SLC26A5: variants seen among roughly 807,000 people sequenced by gnomAD.
SLC26A5 encodes solute carrier family 26 member 5, also known as prestin.
In SLC26A5, 51 loss-of-function variants were observed where a neutral mutation model predicts 81.0. The observed-to-expected ratio is 0.63, with a 90% confidence interval of 0.50 to 0.80. SLC26A5 has a LOEUF of 0.80. Among genes scored for constraint, SLC26A5 ranks in the 30% least tolerant of loss-of-function variants. The pLI, the probability that SLC26A5 is intolerant of heterozygous loss-of-function variation, is 0.00. For missense variants in SLC26A5, 771 were observed against 905.8 expected, an observed-to-expected ratio of 0.85 and a Z score of 1.91; for synonymous variants, 325 against 332.8, an observed-to-expected ratio of 0.98 and a Z score of 0.25.
downstream of SLC26A5, among the ~76,000 whole-genome samples, chr7:103,371,436 T>C (rs1003990170): frequency 2.6e-5 from 4 of 151,166 alleles, no homozygotes; most frequent in Admixed American, 1.3e-4. Flanking sequence ...GCCATTCTCC[T>C]GCCTCAGCCT....
At chr7:103,370,654 G>A (rs1820982654), downstream of SLC26A5, among the ~76,000 whole-genome samples, 1 of 152,154 alleles carries the variant, frequency 6.6e-6, no homozygotes, top group Non-Finnish European at 1.5e-5. Flanking sequence ...GTTTCTTGGG[G>A]TTCCACTGCA....
chr7:103,384,894 G>C (rs1190423894), intron 14 of SLC26A5, among the ~76,000 whole-genome samples: 1 of 152,016 alleles, frequency 6.6e-6, no homozygotes, highest in African/African-American at 2.4e-5. Flanking sequence ...TCATGATTAC[G>C]TGTCTGTCAT....
intron 4 of SLC26A5, among the ~76,000 whole-genome samples, chr7:103,415,108 A>C (rs1275692668): frequency 1.3e-5 from 2 of 152,228 alleles, no homozygotes; most frequent in Admixed American, 6.5e-5. Flanking sequence ...GGACAATTAG[A>C]AAACTCATTT....
At chr7:103,376,698 T>C (rs1019317137) in intron 19 of SLC26A5, 110 bp downstream of exon 19, 10 of 868,292 alleles carry the variant, frequency 1.2e-5, no homozygotes, top group African/African-American at 3.5e-5. Context: ...AAGAACAATT[T>C]TCATTTTTAT....
chr7:103,423,627 C>T (rs545027155), intron 2 of SLC26A5, among the ~76,000 whole-genome samples: 3 of 152,116 alleles, frequency 2.0e-5, no homozygotes, highest in Admixed American at 6.5e-5. Flanking sequence ...CTGTCCCTTC[C>T]GCCATGTGAG....
At chr7:103,402,933 C>T (rs974258407) in intron 8 of SLC26A5, among the ~76,000 whole-genome samples, 2 of 152,106 alleles carry the variant, frequency 1.3e-5, no homozygotes, top group African/African-American at 4.8e-5. Flanking sequence ...GATTTGTTTG[C>T]TCTTCCTTCT....
At chr7:103,405,899 G>A (rs528126815) in intron 8 of SLC26A5, among the ~76,000 whole-genome samples, 4 of 152,314 alleles carry the variant, frequency 2.6e-5, no homozygotes, top group African/African-American at 7.2e-5. Context: ...ATCTAGAGAA[G>A]CAGTCTGGCT....
At chr7:103,383,623 A>C (rs1406717470) in intron 14 of SLC26A5, among the ~76,000 whole-genome samples, 1 of 152,130 alleles carries the variant, frequency 6.6e-6, no homozygotes, top group Non-Finnish European at 1.5e-5. Flanking sequence ...CTGTTGAGGC[A>C]CTTATAACTG....
Position 103,420,865 on chromosome 7 carries a change from T to C in SLC26A5, c.165A>G (p.Lys55=), listed in dbSNP as rs1468452905. Residue 55 remains lysine, a synonymous_variant, in exon 4 of 20, where the codon AAA becomes AAG. Transcript: ENST00000306312. ...KLKQAFTCTP[K]KIRNIIYMFL... Reference sequence around the variant, plus strand: ...ACATATAAATGATATTTCTTATTTTTTTAGGAGTACATCTGAAAGGACAAA... The same window carrying C: ...ACATATAAATGATATTTCTTATTTTCTTAGGAGTACATCTGAAAGGACAAA... 1.2e-6 allele frequency: 2 copies of C among 1,610,588 alleles called. No individual in the cohort carries two copies. The highest frequency in any genetic ancestry group is 1.7e-6 in the Non-Finnish European group (2 of 1,177,044).
intron 19 of SLC26A5, chr7:103,355,089 T>A (rs1326441479): frequency 1.5e-6 from 1 of 669,290 alleles, no homozygotes. Context: ...AGAAATTAGA[T>A]CTCATTTAAC....
chr7:103,398,891 T>C (rs1179258708), intron 8 of SLC26A5, among the ~76,000 whole-genome samples: 1 of 152,170 alleles, frequency 6.6e-6, no homozygotes, highest in Non-Finnish European at 1.5e-5. Context: ...GATCCTTTTC[T>C]GTTGATGACA....
downstream of SLC26A5, among the ~76,000 whole-genome samples, chr7:103,372,879 T>A (rs1467105729): frequency 2.8e-5 from 4 of 142,600 alleles, no homozygotes; most frequent in African/African-American, 2.6e-5. Context: ...AAGGGAAATC[T>A]AAAAAAAAAA....
intron 19 of SLC26A5, among the ~76,000 whole-genome samples, chr7:103,364,958 C>CACATAT (rs1554575470): frequency 2.4e-5 from 3 of 125,502 alleles, no homozygotes; most frequent in Non-Finnish European, 5.0e-5. Flanking sequence ...TGTAGACATA[C>CACATAT]ATATATATAT....
intron 19 of SLC26A5, among the ~76,000 whole-genome samples, chr7:103,375,523 G>T (rs542817814): frequency 1.3e-4 from 20 of 152,190 alleles, no homozygotes; most frequent in African/African-American, 4.3e-4. Flanking sequence ...ATTTATTTTT[G>T]ATTTTTGGCA....
At chr7:103,379,864 T>C (rs1289630181) in intron 15 of SLC26A5, among the ~76,000 whole-genome samples, 1 of 152,202 alleles carries the variant, frequency 6.6e-6, no homozygotes, top group Admixed American at 6.5e-5. Context: ...CAATGTTGCA[T>C]ATACTTCTTT....
chr7:103,385,455 G>T (rs966656348), intron 14 of SLC26A5, among the ~76,000 whole-genome samples: 4 of 152,174 alleles, frequency 2.6e-5, no homozygotes, highest in African/African-American at 9.6e-5. Context: ...TGCTCTGAGG[G>T]AAAATGAGTG....
intron 4 of SLC26A5, among the ~76,000 whole-genome samples, chr7:103,413,711 A>G (rs530364063): frequency 6.6e-6 from 1 of 151,830 alleles, no homozygotes; most frequent in Non-Finnish European, 1.5e-5. Context: ...CTCCCAAGAA[A>G]CTTTGGAAGT....
chr7:103,412,553 GTTTTT>G (rs565602326), intron 5 of SLC26A5, among the ~76,000 whole-genome samples: 1 of 114,390 alleles, frequency 8.7e-6, no homozygotes, highest in Admixed American at 8.4e-5. Flanking sequence ...TTTTTTTTTT[GTTTTT>G]TTTTTTTTTG....
chr7:103,421,191 T>A (rs980691015), intron 3 of SLC26A5, among the ~76,000 whole-genome samples, 172 bp downstream of exon 3: 5 of 152,222 alleles, frequency 3.3e-5, no homozygotes, highest in Non-Finnish European at 7.3e-5. Flanking sequence ...TGATGAAGCC[T>A]GTGTGCAAAT....
Sources: allele counts gnomAD v4.1 joint callset (sites outside exome capture counted in the v4.1 genomes callset), GRCh38; gene constraint gnomAD v4.1.1; transcripts MANE v1.5; gene names NCBI Gene and HGNC (gene_info 2026-07-23, HGNC 2026-07-21).